PIN1: variants seen among roughly 807,000 people sequenced by gnomAD.
PIN1 encodes the protein peptidylprolyl cis/trans isomerase, NIMA-interacting 1.
Under a neutral mutation model 19.9 loss-of-function variants are expected in PIN1, and 8 were observed. That is an observed-to-expected ratio of 0.40 (90% CI 0.24 to 0.72). PIN1 has a LOEUF of 0.72. Among genes scored for constraint, PIN1 ranks in the 30% least tolerant of loss-of-function variants. The pLI, the probability that PIN1 is intolerant of heterozygous loss-of-function variation, is 0.37. For synonymous variants in PIN1, 86 were observed against 90.8 expected (o/e 0.95, Z 0.30); for missense variants, 185 against 226.5 (o/e 0.82, Z 1.18).
intron 1 of PIN1, chr19:9,835,629 G>T: frequency 2.1e-6 from 1 of 486,282 alleles, no homozygotes; most frequent in Non-Finnish European, 3.6e-6. Context: ...GCGGGTGAGG[G>T]TCCGGGGAGT....
At chr19:9,847,254 C>G (rs2046228321) in intron 2 of PIN1, among the ~76,000 whole-genome samples, 1 of 152,194 alleles carries the variant, frequency 6.6e-6, no homozygotes. Context: ...GCCGTCTTGC[C>G]CCCTCTGCTG....
At chr19:9,845,058 T>A (rs921135893) in intron 2 of PIN1, among the ~76,000 whole-genome samples, 1 of 152,018 alleles carries the variant, frequency 6.6e-6, no homozygotes, top group Non-Finnish European at 1.5e-5. Flanking sequence ...TAGGGGAGGC[T>A]TCTTGGGGAG....
chr19:9,843,353 C>T (rs1221206640), intron 2 of PIN1, among the ~76,000 whole-genome samples: 2 of 152,272 alleles, frequency 1.3e-5, no homozygotes, highest in Non-Finnish European at 2.9e-5. Context: ...CCTCTTTCCC[C>T]GACCAGGCCC....
chr19:9,844,977 G>A (rs2046204900), intron 2 of PIN1, among the ~76,000 whole-genome samples: 1 of 152,164 alleles, frequency 6.6e-6, no homozygotes, highest in Non-Finnish European at 1.5e-5. Context: ...CTGTGAGGCG[G>A]GCAAGCAACA....
In PIN1 at chr19:9,838,763, C is replaced by A; in HGVS notation, c.271+115C>A. 6 of 804,444 alleles carry A rather than the reference C, an allele frequency of 7.5e-6. No individual in the cohort carries two copies. Among genetic ancestry groups the A allele is most frequent in the African/African-American group, 1.7e-5 (1 of 58,304 alleles). 49.8% of individuals were successfully genotyped at this position (804,444 alleles called of 1,614,324 possible). ...CTCAGCTGCCAGGCGTGGTGTTGGC[C>A]AACACAAAAACGCCAGTGCATGACC... On this transcript the variant is annotated intron_variant, in intron 2 of 3. Transcript: ENST00000247970. The surrounding 1 kb of genome is among the most constrained non-coding windows in gnomAD (Gnocchi z 5.8).
Position 9,838,730 on chromosome 19 carries a change from C to A in PIN1, c.271+82C>A. On this transcript the variant is annotated intron_variant, in intron 2 of 3. Transcript: ENST00000247970. This position sits in a 1 kb window ranked among gnomAD's most constrained non-coding sequence, Gnocchi z 5.8. ...TAGAAGTCACATCAGACCCTTCACC[C>A]CAGCTTGCTCAGCTGCCAGGCGTGG... 1 of 1,169,694 alleles carries A rather than the reference C, an allele frequency of 8.5e-7. No homozygotes were observed. Among genetic ancestry groups the A allele is most frequent in the Non-Finnish European group, 1.2e-6 (1 of 828,896 alleles). The allele number at this position is 1,169,694 out of a possible 1,614,324, so 72.5% of individuals were successfully genotyped here. A position where few individuals can be genotyped will look rare whatever the true frequency, so the allele number is the denominator to read the frequency against.
chr19:9,842,035 C>G (rs2046172163), intron 2 of PIN1, among the ~76,000 whole-genome samples: 1 of 152,010 alleles, frequency 6.6e-6, no homozygotes, highest in South Asian at 2.1e-4. Flanking sequence ...GACAGGTGCA[C>G]CTGGTAAGTA....
intron 3 of PIN1, 122 bp from the exon 4 acceptor site, chr19:9,848,968 T>C (rs565423053): frequency 4.5e-6 from 3 of 674,076 alleles, no homozygotes; most frequent in African/African-American, 3.5e-5. Flanking sequence ...CGGATGAGTG[T>C]GGACGAGTGT....
rs2046223458 is a variant in PIN1, at chr19:9,846,672, C to T, written c.272-1358C>T. On this transcript the variant is annotated intron_variant, in intron 2 of 3. Transcript: ENST00000247970. This position sits in a 1 kb window ranked among gnomAD's most constrained non-coding sequence, Gnocchi z 5.9. Reference sequence around the variant, plus strand: ...GTGCCACGGTTGGGTGTCCAGGCCTCCCAGCACTGGCTAGGTCACCCAGCA... The same window carrying T: ...GTGCCACGGTTGGGTGTCCAGGCCTTCCAGCACTGGCTAGGTCACCCAGCA... 2.0e-5 allele frequency among the ~76,000 whole-genome samples: 3 copies of T among 152,166 alleles called. No homozygotes were observed. The highest frequency in any genetic ancestry group is 2.0e-4 in the Admixed American group (3 of 15,282).
rs369503866 is a variant in PIN1 at position 9,840,954 on chromosome 19, T to C, written c.271+2306T>C. 8.5e-5 allele frequency among the ~76,000 whole-genome samples: 13 copies of C among 152,228 alleles called. No individual in the cohort carries two copies. The East Asian group carries it at 1.7e-3, about 20-fold the overall frequency. On this transcript the variant is annotated intron_variant, in intron 2 of 3. Transcript: ENST00000247970. ...GAATAATAAGACCCACTTCACAGGG[T>C]AGTTGTGAGGACTCCTGGCTAATAC...
chr19:9,836,933 A>T (rs2046113084), intron 1 of PIN1: 2 of 948,620 alleles, frequency 2.1e-6, no homozygotes, highest in Non-Finnish European at 2.9e-6. Context: ...TCCCACTCTT[A>T]ATGTGTGCCA....
intron 1 of PIN1, chr19:9,836,317 A>G (rs1393330750): frequency 6.4e-6 from 1 of 155,616 alleles, no homozygotes; most frequent in Non-Finnish European, 1.4e-5. Flanking sequence ...TAACCCCATG[A>G]GGTTTGATCT....
intron 1 of PIN1, chr19:9,835,961 C>T (rs1462653068): frequency 6.6e-6 from 1 of 152,550 alleles, no homozygotes; most frequent in South Asian, 2.1e-4. Flanking sequence ...ATGTTTTTCT[C>T]TGTGTCAAGC....
chr19:9,835,769 C>T (rs1229394065), intron 1 of PIN1: 1 of 281,622 alleles, frequency 3.6e-6, no homozygotes, highest in Non-Finnish European at 6.6e-6. Context: ...CCCCAGTACC[C>T]TGCAAAGGGC....
intron 2 of PIN1, among the ~76,000 whole-genome samples, chr19:9,842,829 G>A (rs542000252): frequency 1.3e-5 from 2 of 152,318 alleles, no homozygotes; most frequent in Admixed American, 6.5e-5. Context: ...GGTTCATGCC[G>A]GGTGATCAGG....
chr19:9,841,901 G>T (rs34738753), intron 2 of PIN1, among the ~76,000 whole-genome samples: 2 of 152,292 alleles, frequency 1.3e-5, no homozygotes, highest in African/African-American at 4.8e-5. Context: ...GCAGCCAGGC[G>T]CAGGACAGAG....
rs2046224605 is a variant in PIN1, at chr19:9,846,822, G to T, written c.272-1208G>T. Among the ~76,000 whole-genome samples, 1 of 152,168 alleles carries T rather than the reference G, an allele frequency of 6.6e-6. No homozygotes were observed. The highest frequency in any genetic ancestry group is 2.4e-5 in the African/African-American group (1 of 41,436). On this transcript the variant is annotated intron_variant, in intron 2 of 3. Transcript: ENST00000247970. This position sits in a 1 kb window ranked among gnomAD's most constrained non-coding sequence, Gnocchi z 5.9. ...GAAGGAGCAAGGGTAGAAGTGTCAG[G>T]GTGACATTAAGAAACCCCCTACTGA...
At chr19:9,844,059 A>AG (rs1161226278) in intron 2 of PIN1, among the ~76,000 whole-genome samples, 2 of 151,980 alleles carry the variant, frequency 1.3e-5, no homozygotes, top group Non-Finnish European at 1.5e-5. Context: ...CAAAAAAAAA[A>AG]GGGGCGCTAA....
rs746329101 is a variant in PIN1 at position 9,849,482 on chromosome 19, G to A, written c.*283G>A. The A allele has an allele frequency of 1.1e-5, 8 of 699,844 alleles. No homozygotes were observed. Among genetic ancestry groups the A allele is most frequent in the Non-Finnish European group, 2.1e-5 (8 of 376,012 alleles). 43.4% of individuals were successfully genotyped at this position (699,844 alleles called of 1,614,324 possible). On this transcript the variant is annotated 3_prime_UTR_variant, in exon 4 of 4. Coordinates refer to ENST00000247970, the MANE Select transcript of PIN1 (RefSeq NM_006221.4). ...AGACCCAGGGCAGTGTGGTGGGAGG[G>A]GTGTTCCAAAGAGAAGGCCTGGTCA...
Sources: allele counts gnomAD v4.1 joint callset (sites outside exome capture counted in the v4.1 genomes callset), GRCh38; gene constraint gnomAD v4.1.1; non-coding constraint Gnocchi (gnomAD v3.1); transcripts MANE v1.5; gene names NCBI Gene and HGNC (gene_info 2026-07-23, HGNC 2026-07-21).